The following RBAK variants were observed in gnomAD, a reference collection of about 807,000 sequenced individuals.
The protein encoded by RBAK is RB-associated KRAB zinc finger protein.
In RBAK, 39 loss-of-function variants were observed where a neutral mutation model predicts 65.8. That is an observed-to-expected ratio of 0.59 (90% CI 0.46 to 0.77). The LOEUF is 0.77. RBAK is among the 30% of genes least tolerant of loss of function. The pLI is 0.00. For synonymous variants in RBAK, 343 were observed against 289.7 expected, an observed-to-expected ratio of 1.18 and a Z score of -1.87; for missense variants, 884 against 855.1, an observed-to-expected ratio of 1.03 and a Z score of -0.42.
rs1362318738 is a variant in RBAK, at chr7:5,048,537, G to T, written c.15+446G>T. On this transcript the variant is annotated intron_variant, in intron 2 of 4. Transcript: ENST00000396912. The surrounding 1 kb of genome is among the most constrained non-coding windows in gnomAD (Gnocchi z 4.4). ...TTGTCCTGTAAAATATAGTTAGTGT[G>T]GCAGATCAGCACCAAAAATGATTTG... is the stretch of plus-strand genomic sequence containing the variant. 6.6e-6 allele frequency among the ~76,000 whole-genome samples: 1 copy of T among 152,168 alleles called. No individual in the cohort carries two copies. Among genetic ancestry groups the T allele is most frequent in the Non-Finnish European group, 1.5e-5 (1 of 68,028 alleles).
Position 5,048,614 on chromosome 7 carries a change from C to T in RBAK, c.15+523C>T, listed in dbSNP as rs1374750709. On this transcript the variant is annotated intron_variant, in intron 2 of 4. Coordinates refer to ENST00000396912, the MANE Select transcript of RBAK (RefSeq NM_021163.4). This position sits in a 1 kb window ranked among gnomAD's most constrained non-coding sequence, Gnocchi z 4.4. ...TTTTAAGGCTGTTGAAATTGAGCCG[C>T]ACCCAGGACTGATATTCTTGGCAGT... is the stretch of plus-strand genomic sequence containing the variant. Among the ~76,000 whole-genome samples, 2 of 152,224 alleles carry T rather than the reference C, an allele frequency of 1.3e-5. No homozygotes were observed. The highest frequency in any genetic ancestry group is 2.9e-5 in the Non-Finnish European group (2 of 68,044).
rs537248696 is a variant in RBAK, at chr7:5,066,188, T to C, written c.*587T>C. The C allele has an allele frequency of 6.6e-6, 1 of 152,628 alleles. No individual in the cohort carries two copies. The highest frequency in any genetic ancestry group is 1.5e-5 in the Non-Finnish European group (1 of 68,024). 9.5% of individuals were successfully genotyped at this position (152,628 alleles called of 1,614,324 possible). ...TGGATGACTTGTGAAGAGGCAGTTT[T>C]CTTATTTGAGTATTAGGATGGCAAA... On this transcript the variant is annotated 3_prime_UTR_variant, in exon 5 of 5. Coordinates refer to ENST00000396912, the MANE Select transcript of RBAK (RefSeq NM_021163.4).
Position 5,048,168 on chromosome 7 carries a change from C to A in RBAK, c.15+77C>A. On this transcript the variant is annotated intron_variant, in intron 2 of 4. Coordinates refer to ENST00000396912, the MANE Select transcript of RBAK (RefSeq NM_021163.4). This position sits in a 1 kb window ranked among gnomAD's most constrained non-coding sequence, Gnocchi z 4.4. ...TTTAAGAGGTTTGTAAGGATTCTTA[C>A]CTTTTTTTTTTTCTTTTTTTTTGAG... 5.1e-6 allele frequency: 8 copies of A among 1,573,484 alleles called. No individual in the cohort carries two copies. Among genetic ancestry groups the A allele is most frequent in the Non-Finnish European group, 6.9e-6 (8 of 1,162,350 alleles).
In RBAK at chr7:5,045,903, A is replaced by C. The variant is rs529821788; in HGVS notation, c.-538A>C. On this transcript the variant is annotated 5_prime_UTR_variant, in exon 1 of 5. Transcript: ENST00000396912. ...GCGTCCTCAGGTCACCGCTTGCTCT[A>C]GTTCCCAGGCTTTGGCCTCCAGTGG... is the stretch of plus-strand genomic sequence containing the variant. 22 of 348,680 alleles carry C rather than the reference A, an allele frequency of 6.3e-5. No homozygotes were observed. The highest frequency in any genetic ancestry group is 4.8e-4 in the African/African-American group (21 of 43,480). 21.6% of individuals were successfully genotyped at this position (348,680 alleles called of 1,614,324 possible).
At position 5,065,623 on chromosome 7, in the gene RBAK, A is replaced by C; in HGVS notation, c.*22A>C. 1 of 1,451,454 alleles carries C rather than the reference A, an allele frequency of 6.9e-7. No individual in the cohort carries two copies. The highest frequency in any genetic ancestry group is 1.5e-5 in the South Asian group (1 of 68,024). 89.9% of individuals were successfully genotyped at this position (1,451,454 alleles called of 1,614,324 possible). A position where few individuals can be genotyped will look rare whatever the true frequency, so the allele number is the denominator to read the frequency against. On this transcript the variant is annotated 3_prime_UTR_variant, in exon 5 of 5. Transcript: ENST00000396912. The surrounding 1 kb of genome is among the most constrained non-coding windows in gnomAD (Gnocchi z 5.3). Reference sequence around the variant, plus strand: ...CTGAAGTCAGATCTCAATTTTTAGAAAACTCTCTGAATATAATGAATATGG... The same window carrying C: ...CTGAAGTCAGATCTCAATTTTTAGACAACTCTCTGAATATAATGAATATGG...
Position 5,064,838 on chromosome 7 carries a change from A to T in RBAK, c.1382A>T (p.Glu461Val), listed in dbSNP as rs779541981. 6 of 1,614,128 alleles carry T rather than the reference A, an allele frequency of 3.7e-6. No homozygotes were observed. The highest frequency in any genetic ancestry group is 5.1e-6 in the Non-Finnish European group (6 of 1,179,968). ...HLEEKPYECN[E>V]CGKTFNLNSA... is the part of the protein sequence containing the mutation. Reference sequence around the variant, plus strand: ...GAAGAGAAACCCTATGAATGTAATGAATGTGGCAAAACCTTCAATTTAAAT... The same window carrying T: ...GAAGAGAAACCCTATGAATGTAATGTATGTGGCAAAACCTTCAATTTAAAT... The change falls in exon 5 of 5, where the codon GAA becomes GTA. Residue 461 changes from glutamate to valine, a missense_variant. Transcript: ENST00000396912. This position sits in a 1 kb window ranked among gnomAD's most constrained non-coding sequence, Gnocchi z 6.3.
rs765474768 is a variant in RBAK at position 5,064,791 on chromosome 7, T to C, written c.1335T>C (p.Thr445=). The C allele has an allele frequency of 1.5e-5, 24 of 1,613,978 alleles. No homozygotes were observed. In the South Asian group the frequency reaches 2.1e-4, roughly 14 times the overall value. The change falls in exon 5 of 5, where the codon ACT becomes ACC. Residue 445 remains threonine (T), a synonymous_variant. Coordinates refer to ENST00000396912, the MANE Select transcript of RBAK (RefSeq NM_021163.4). This position sits in a 1 kb window ranked among gnomAD's most constrained non-coding sequence, Gnocchi z 6.3. ...TCTTTTCTCGGGTGTCATACCTCAC[T>C]ATACATTATAGAAGTCATTTAGAAG... The part of the protein sequence containing the change: ...GKFFSRVSYL[T]IHYRSHLEEK...
chr7:5,065,356 C>T lies in RBAK; in HGVS notation c.1900C>T (p.Arg634Trp), dbSNP rs999542006. 2 of 1,613,488 alleles carry T rather than the reference C, an allele frequency of 1.2e-6. No homozygotes were observed. Among genetic ancestry groups the T allele is most frequent in the Non-Finnish European group, 1.7e-6 (2 of 1,179,704 alleles). ...ECSKCGKVFSRMSNLTVHYRS... is the reference protein window; with the variant it reads ...ECSKCGKVFSWMSNLTVHYRS... ...TAGTAAATGTGGAAAAGTCTTCTCT[C>T]GGATGTCAAACCTCACTGTCCACTA... The change falls in exon 5 of 5, where the codon CGG (arginine) becomes TGG (tryptophan). Residue 634 changes from arginine to tryptophan, a missense_variant. Coordinates refer to ENST00000396912, the MANE Select transcript of RBAK (RefSeq NM_021163.4). This position sits in a 1 kb window ranked among gnomAD's most constrained non-coding sequence, Gnocchi z 5.3.
In RBAK at chr7:5,065,991, A is replaced by T. The variant is rs73051676; in HGVS notation, c.*390A>T. The T allele has an allele frequency of 0.11, 16,470 of 155,346 alleles. 982 individuals are homozygous for T. The highest frequency in any genetic ancestry group is 0.15 in the African/African-American group (6,284 of 41,582). 9.6% of individuals were successfully genotyped at this position (155,346 alleles called of 1,614,324 possible). ...ATTTCTAATGGAAAATCAGGTGTTT[A>T]CAGGAAAGATCTCAGAGGCTATGAG... On this transcript the variant is annotated 3_prime_UTR_variant, in exon 5 of 5. Coordinates refer to ENST00000396912, the MANE Select transcript of RBAK (RefSeq NM_021163.4). The surrounding 1 kb of genome is among the most constrained non-coding windows in gnomAD (Gnocchi z 5.3).
intron 2 of RBAK, among the ~76,000 whole-genome samples, chr7:5,050,586 T>C (rs576925423): frequency 6.6e-6 from 1 of 152,250 alleles, no homozygotes; most frequent in African/African-American, 2.4e-5. Flanking sequence ...ATACCTTTCT[T>C]TTCTTTTCTT....
chr7:5,046,114 C>CGGCGGA lies in RBAK; in HGVS notation c.-322_-317dup, dbSNP rs1787973553. 3 of 315,916 alleles carry CGGCGGA rather than the reference C, an allele frequency of 9.5e-6. No individual in the cohort carries two copies. Among genetic ancestry groups the CGGCGGA allele is most frequent in the Admixed American group, 5.0e-5 (1 of 20,046 alleles). The allele number at this position is 315,916 out of a possible 1,614,324, so 19.6% of individuals were successfully genotyped here. A position where few individuals can be genotyped will look rare whatever the true frequency, so the allele number is the denominator to read the frequency against. On this transcript the variant is annotated 5_prime_UTR_variant, in exon 1 of 5. Transcript: ENST00000396912. ...GCCGGACGGGAGGTGGCGGAGGTGG[C>CGGCGGA]GGCGGAGGCGAAGGGGCGGCGGGAC...
intron 2 of RBAK, among the ~76,000 whole-genome samples, chr7:5,050,039 A>C (rs1292551712): frequency 1.3e-5 from 2 of 152,066 alleles, no homozygotes; most frequent in Non-Finnish European, 2.9e-5. Context: ...TTCCCACTGT[A>C]TTGCTCAGAC....
At chr7:5,055,579 A>G (rs1255239557) in intron 2 of RBAK, among the ~76,000 whole-genome samples, 1 of 152,044 alleles carries the variant, frequency 6.6e-6, no homozygotes, top group African/African-American at 2.4e-5. Context: ...AAACTAGTCT[A>G]TATTATTGGA....
Position 5,057,385 on chromosome 7 carries a change from G to A in RBAK, c.106G>A (p.Val36Met). 11 of 1,614,122 alleles carry A rather than the reference G, an allele frequency of 6.8e-6. No individual in the cohort carries two copies. The highest frequency in any genetic ancestry group is 9.3e-6 in the Non-Finnish European group (11 of 1,180,022). The part of the protein sequence containing the change: ...DPDEKITYRD[V>M]MLENYSHLVS... The stretch of plus-strand genomic sequence containing the variant: ...TGATGAGAAGATAACTTACAGGGAT[G>A]TGATGTTGGAGAACTATAGCCATCT... The change falls in exon 3 of 5, where the codon GTG (valine) becomes ATG (methionine). Residue 36 changes from valine to methionine, a missense_variant. Val to Met is a conservative substitution (Grantham distance 21). Coordinates refer to ENST00000396912, the MANE Select transcript of RBAK (RefSeq NM_021163.4).
In RBAK at chr7:5,065,360, T is replaced by A. The variant is rs879223957; in HGVS notation, c.1904T>A (p.Met635Lys). Residue 635 changes from methionine (M) to lysine (K), a missense_variant, in exon 5 of 5, where the codon ATG becomes AAG. Met to Lys is a moderately conservative substitution (Grantham distance 95, BLOSUM62 -1). Coordinates refer to ENST00000396912, the MANE Select transcript of RBAK (RefSeq NM_021163.4). This position sits in a 1 kb window ranked among gnomAD's most constrained non-coding sequence, Gnocchi z 5.3. ...CSKCGKVFSRMSNLTVHYRSH... is the reference protein window; with the variant it reads ...CSKCGKVFSRKSNLTVHYRSH... The stretch of plus-strand genomic sequence containing the variant: ...AAATGTGGAAAAGTCTTCTCTCGGA[T>A]GTCAAACCTCACTGTCCACTACAGA... 1 of 1,613,132 alleles carries A rather than the reference T, an allele frequency of 6.2e-7. No individual in the cohort carries two copies. Among genetic ancestry groups the A allele is most frequent in the African/African-American group, 1.3e-5 (1 of 74,844 alleles).
rs955340746 is a variant in RBAK, at chr7:5,048,181, CT to C, written c.15+99del. 1.9e-4 allele frequency: 266 copies of C among 1,421,772 alleles called. No individual in the cohort carries two copies. The highest frequency in any genetic ancestry group is 5.8e-4 in the East Asian group (21 of 36,302). 88.1% of individuals were successfully genotyped at this position (1,421,772 alleles called of 1,614,324 possible). On this transcript the variant is annotated intron_variant, in intron 2 of 4. Coordinates refer to ENST00000396912, the MANE Select transcript of RBAK (RefSeq NM_021163.4). This position sits in a 1 kb window ranked among gnomAD's most constrained non-coding sequence, Gnocchi z 4.4. ...TAAGGATTCTTACCTTTTTTTTTTTCTTTTTTTTTGAGATGGAGTCTTGCTC... is the reference window on the plus strand; with the variant it reads ...TAAGGATTCTTACCTTTTTTTTTTTCTTTTTTTTGAGATGGAGTCTTGCTC...
chr7:5,058,177 C>A (rs749718280), intron 4 of RBAK, among the ~76,000 whole-genome samples: 1 of 152,132 alleles, frequency 6.6e-6, no homozygotes, highest in African/African-American at 2.4e-5. Flanking sequence ...CAGGTTCAAG[C>A]GATTCTCCTT....
chr7:5,046,994 GTTA>G (rs1352729592), intron 1 of RBAK, among the ~76,000 whole-genome samples: 1 of 152,178 alleles, frequency 6.6e-6, no homozygotes, highest in African/African-American at 2.4e-5. Context: ...ACCAAGTTCA[GTTA>G]GATAATTTAG....
chr7:5,063,680 AT>A lies in RBAK; in HGVS notation c.239-10del. On this transcript the variant is annotated splice_polypyrimidine_tract_variant and intron_variant, in intron 4 of 4. Coordinates refer to ENST00000396912, the MANE Select transcript of RBAK (RefSeq NM_021163.4). ...TTCAGATTTACAAAGTTTGTTTACTATTTTTCCTTTTTAGAAGCCTGGAGAG... is the reference window on the plus strand; with the variant it reads ...TTCAGATTTACAAAGTTTGTTTACTATTTTCCTTTTTAGAAGCCTGGAGAG... 1 of 1,556,592 alleles carries A rather than the reference AT, an allele frequency of 6.4e-7. No individual in the cohort carries two copies.
Sources: allele counts gnomAD v4.1 joint callset (sites outside exome capture counted in the v4.1 genomes callset), GRCh38; gene constraint gnomAD v4.1.1; non-coding constraint Gnocchi (gnomAD v3.1); transcripts MANE v1.5; gene names NCBI Gene and HGNC (gene_info 2026-07-23, HGNC 2026-07-21).